LNX2: variants seen among roughly 807,000 people sequenced by gnomAD.
LNX2 encodes ligand of Numb protein X 2.
LNX2 carries 35 observed loss-of-function variants against 66.2 expected under a neutral mutation model. That is an observed-to-expected ratio of 0.53 (90% confidence interval 0.40 to 0.70). The LOEUF (loss-of-function observed/expected upper bound fraction) is 0.70. LNX2 is among the 30% of genes least tolerant of loss of function. The probability of loss-of-function intolerance (pLI) is 0.00; values close to 1 mark genes in which losing one functional copy is unlikely to be tolerated. For synonymous variants in LNX2, 337 were observed against 315.6 expected, an observed-to-expected ratio of 1.07 and a Z score of -0.72; for missense variants, 791 against 850.8, an observed-to-expected ratio of 0.93 and a Z score of 0.87.
At chr13:27,568,350 A>G (rs1323271041) in intron 3 of LNX2, among the ~76,000 whole-genome samples, 2 of 152,194 alleles carry the variant, frequency 1.3e-5, no homozygotes, top group Non-Finnish European at 2.9e-5. Flanking sequence ...TGGAAAAAGA[A>G]AATCATTTTT....
intron 1 of LNX2, among the ~76,000 whole-genome samples, chr13:27,608,781 A>G (rs925113815): frequency 1.8e-5 from 2 of 112,654 alleles, no homozygotes; most frequent in African/African-American, 6.4e-5. Context: ...GTACTTAGAG[A>G]GCAATTTCTT....
intron 9 of LNX2, among the ~76,000 whole-genome samples, chr13:27,550,080 T>C (rs1043025568): frequency 1.4e-4 from 21 of 152,186 alleles, no homozygotes; most frequent in Non-Finnish European, 1.8e-4. Context: ...TTGGCAAATT[T>C]TTTCCGTAAG....
rs772974167 is a variant in LNX2, at chr13:27,569,095, G to A, written c.589C>T (p.Leu197Phe). 6.8e-5 allele frequency: 109 copies of A among 1,613,368 alleles called. No individual in the cohort carries two copies. The East Asian group carries it at 2.4e-3, about 35-fold the overall frequency. The change falls in exon 3 of 10, where the codon CTT becomes TTT. Residue 197 changes from leucine to phenylalanine, a missense_variant. Transcript: ENST00000316334. ...CCAGGCTCCTCACTCCATGTGGAAA[G>A]AGACGCTGATGTCAAGTGCCGCTCC... ...PVERHLTSAS[L>F]STWSEEPGLD...
chr13:27,619,418 A>G (rs908214795), intron 1 of LNX2, among the ~76,000 whole-genome samples: 1 of 152,242 alleles, frequency 6.6e-6, no homozygotes, highest in Non-Finnish European at 1.5e-5. Flanking sequence ...AAGTACATGC[A>G]AAAGAAATAT....
At chr13:27,559,590 A>G (rs1278353087) in intron 6 of LNX2, among the ~76,000 whole-genome samples, 1 of 152,192 alleles carries the variant, frequency 6.6e-6, no homozygotes, top group African/African-American at 2.4e-5. Context: ...GGCAAAGGAA[A>G]CTTCCCCTCC....
At chr13:27,575,595 G>T (rs981840968) in intron 2 of LNX2, among the ~76,000 whole-genome samples, 3 of 152,084 alleles carry the variant, frequency 2.0e-5, no homozygotes, top group African/African-American at 7.2e-5. Context: ...GGCTCTCCTA[G>T]TTCTCAGACC....
intron 1 of LNX2, among the ~76,000 whole-genome samples, chr13:27,591,082 T>A (rs1362447873): frequency 1.3e-5 from 2 of 152,200 alleles, no homozygotes; most frequent in Non-Finnish European, 2.9e-5. Flanking sequence ...GAGCCATATT[T>A]GTGCTTTCTC....
At chr13:27,592,228 G>A (rs750888942) in intron 1 of LNX2, among the ~76,000 whole-genome samples, 46 of 152,338 alleles carry the variant, frequency 3.0e-4, no homozygotes, top group Admixed American at 2.3e-3. Flanking sequence ...CTGAGCCACA[G>A]ATGATGGTAG....
chr13:27,560,565 G>GTATATATATATATATATATA (rs71083675), intron 5 of LNX2, among the ~76,000 whole-genome samples: 144 of 119,988 alleles, frequency 1.2e-3, no homozygotes, highest in Admixed American at 1.9e-3. Flanking sequence ...ATGTATGTGT[G>GTATATATATATATATATATA]TATATATATA....
intron 2 of LNX2, 147 bp from the exon 3 acceptor site, chr13:27,569,423 A>C: frequency 1.3e-6 from 1 of 757,892 alleles, no homozygotes; most frequent in African/African-American, 1.8e-5. Flanking sequence ...CCTAATCTCC[A>C]CTCACACTAA....
At position 27,594,084 on chromosome 13, in the gene LNX2, G is replaced by A. The variant is rs1955572728; in HGVS notation, c.-100-12281C>T. ...GTGAACAAAATTTGGACTCCTACTA[G>A]CAATGTATAAATATACTAACTTTTT... On this transcript the variant is annotated intron_variant, in intron 1 of 9. Transcript: ENST00000316334. Among the ~76,000 whole-genome samples the A allele has an allele frequency of 2.0e-5, 3 of 152,108 alleles. No homozygotes were observed. The South Asian group carries it at 6.2e-4, about 32-fold the overall frequency.
chr13:27,596,343 A>C (rs1260727623), intron 1 of LNX2, among the ~76,000 whole-genome samples: 1 of 152,250 alleles, frequency 6.6e-6, no homozygotes, highest in Admixed American at 6.5e-5. Context: ...ACATGGCACC[A>C]TTCACAATTG....
chr13:27,605,334 T>C (rs191541126), intron 1 of LNX2, among the ~76,000 whole-genome samples: 108 of 152,260 alleles, frequency 7.1e-4, no homozygotes, highest in Admixed American at 2.4e-3. Context: ...TACAAAATCA[T>C]TCAACTGCAT....
intron 2 of LNX2, among the ~76,000 whole-genome samples, chr13:27,580,193 C>A (rs987244041): frequency 6.6e-6 from 1 of 152,232 alleles, no homozygotes; most frequent in South Asian, 2.1e-4. Flanking sequence ...ACTTGACCTA[C>A]GATAGAGTCA....
intron 1 of LNX2, among the ~76,000 whole-genome samples, chr13:27,583,187 T>C (rs925884338): frequency 0.19 from 1,809 of 9,544 alleles, 227 homozygotes; most frequent in African/African-American, 0.39. Flanking sequence ...TGTGTGTGTG[T>C]GTGTGTGTGT....
At chr13:27,580,606 T>C (rs1054703599) in intron 2 of LNX2, among the ~76,000 whole-genome samples, 3 of 152,166 alleles carry the variant, frequency 2.0e-5, no homozygotes, top group African/African-American at 7.2e-5. Context: ...GCTAAATAAA[T>C]TACTTAACCT....
chr13:27,591,954 A>G (rs1453347090), intron 1 of LNX2, among the ~76,000 whole-genome samples: 16 of 152,222 alleles, frequency 1.1e-4, no homozygotes, highest in Non-Finnish European at 2.9e-5. Context: ...AATGTCTGTT[A>G]CAGGCAAATG....
intron 1 of LNX2, among the ~76,000 whole-genome samples, chr13:27,605,736 T>C (rs375045177): frequency 1.3e-5 from 2 of 152,194 alleles, no homozygotes; most frequent in East Asian, 1.9e-4. Context: ...TTAAAGTTCC[T>C]AGCTCAGAGA....
At chr13:27,584,545 G>C (rs1257517108) in intron 1 of LNX2, among the ~76,000 whole-genome samples, 1 of 152,032 alleles carries the variant, frequency 6.6e-6, no homozygotes, top group Non-Finnish European at 1.5e-5. Flanking sequence ...AATTAGCCAG[G>C]CGCAATGGTG....
Sources: allele counts gnomAD v4.1 joint callset (sites outside exome capture counted in the v4.1 genomes callset), GRCh38; gene constraint gnomAD v4.1.1; transcripts MANE v1.5; gene names NCBI Gene and HGNC (gene_info 2026-07-23, HGNC 2026-07-21).